Variants in ATP6V1A observed in about 807,000 individuals in gnomAD.
The protein encoded by ATP6V1A is ATPase H+ transporting V1 subunit A, also known as V-type proton ATPase catalytic subunit A.
A neutral mutation model predicts 70.1 loss-of-function variants in ATP6V1A; 18 were observed. That is an observed-to-expected ratio of 0.26 (90% CI 0.18 to 0.38). The LOEUF (loss-of-function observed/expected upper bound fraction) is 0.38. Ranked by LOEUF, ATP6V1A falls within the 10% of genes least tolerant of loss-of-function variation. The pLI is 1.00. For missense variants in ATP6V1A, 424 were observed against 772.4 expected (o/e 0.55, Z 5.35); for synonymous variants, 232 against 253.8 (o/e 0.91, Z 0.82).
chr3:113,750,735 A>T (rs1048968240), intron 1 of ATP6V1A, among the ~76,000 whole-genome samples: 5 of 152,200 alleles, frequency 3.3e-5, no homozygotes, highest in East Asian at 1.9e-4. Context: ...TGTAAAAAAA[A>T]TTTTTAATTA....
intron 11 of ATP6V1A, among the ~76,000 whole-genome samples, chr3:113,796,152 A>G (rs1376451799): frequency 6.6e-6 from 1 of 152,230 alleles, no homozygotes; most frequent in Non-Finnish European, 1.5e-5. Flanking sequence ...TTTATAATAA[A>G]CTTAATAATA....
intron 1 of ATP6V1A, among the ~76,000 whole-genome samples, chr3:113,751,396 GA>G (rs1053125892): frequency 1.9e-4 from 28 of 147,744 alleles, no homozygotes; most frequent in East Asian, 7.9e-4. Flanking sequence ...CTTTATTCCT[GA>G]AAAAAAAAAT....
chr3:113,760,683 C>T (rs886315336), intron 1 of ATP6V1A, among the ~76,000 whole-genome samples: 3 of 151,960 alleles, frequency 2.0e-5, no homozygotes, highest in African/African-American at 7.3e-5. Flanking sequence ...GAGCCGAGAT[C>T]GCACCATTGC....
At chr3:113,770,015 A>G (rs951181305) in intron 1 of ATP6V1A, among the ~76,000 whole-genome samples, 1 of 149,378 alleles carries the variant, frequency 6.7e-6, no homozygotes, top group Non-Finnish European at 1.5e-5. Flanking sequence ...AAAGTATGTA[A>G]TAAGTATTCC....
chr3:113,758,254 C>CT (rs2108010299), intron 1 of ATP6V1A, among the ~76,000 whole-genome samples: 1 of 152,250 alleles, frequency 6.6e-6, no homozygotes, highest in East Asian at 1.9e-4. Flanking sequence ...ATAACTTGTG[C>CT]TTTTTAAAAA....
intron 8 of ATP6V1A, among the ~76,000 whole-genome samples, chr3:113,794,394 T>C (rs1372599242): frequency 6.6e-6 from 1 of 152,226 alleles, no homozygotes; most frequent in Non-Finnish European, 1.5e-5. Flanking sequence ...TGCATTATAT[T>C]AGGGCCAGCT....
At chr3:113,771,070 G>A (rs1174401047) in intron 1 of ATP6V1A, among the ~76,000 whole-genome samples, 2 of 151,300 alleles carry the variant, frequency 1.3e-5, no homozygotes, top group Non-Finnish European at 2.9e-5. Context: ...ACTCCAGCCT[G>A]GGCAACAGAG....
intron 5 of ATP6V1A, among the ~76,000 whole-genome samples, chr3:113,785,427 G>A (rs1310272737): frequency 2.0e-5 from 3 of 151,384 alleles, no homozygotes; most frequent in East Asian, 1.9e-4. Context: ...GTGACAGAGC[G>A]AGACTCCATC....
chr3:113,747,481 T>G (rs1407360868), intron 1 of ATP6V1A: 1 of 152,308 alleles, frequency 6.6e-6, no homozygotes, highest in African/African-American at 2.4e-5. Flanking sequence ...TCACTGTCCT[T>G]ACCCTCAGCT....
At chr3:113,749,784 T>C (rs1411197706) in intron 1 of ATP6V1A, among the ~76,000 whole-genome samples, 1 of 152,186 alleles carries the variant, frequency 6.6e-6, no homozygotes, top group Non-Finnish European at 1.5e-5. Context: ...ACAAAGAAAT[T>C]AAACCACTTT....
At chr3:113,784,909 G>A in intron 5 of ATP6V1A, 76 bp downstream of exon 5, 1 of 1,418,996 alleles carries the variant, frequency 7.0e-7, no homozygotes, top group Non-Finnish European at 9.5e-7. Context: ...AGTGCCCTAA[G>A]TAATTAAAGA....
intron 10 of ATP6V1A, among the ~76,000 whole-genome samples, chr3:113,795,409 G>A (rs935215504): frequency 1.3e-5 from 2 of 151,472 alleles, no homozygotes; most frequent in African/African-American, 2.4e-5. Flanking sequence ...TGGTTCCATA[G>A]GTTTGACTTT....
chr3:113,791,333 CTCT>C (rs909366115), intron 8 of ATP6V1A, among the ~76,000 whole-genome samples: 52 of 149,134 alleles, frequency 3.5e-4, no homozygotes, highest in Admixed American at 2.7e-3. Flanking sequence ...CATCAAGTAT[CTCT>C]TCTTATCTTA....
chr3:113,784,581 A>AT (rs1709017424), intron 4 of ATP6V1A, 115 bp from the exon 5 acceptor site: 1 of 1,432,402 alleles, frequency 7.0e-7, no homozygotes, highest in Middle Eastern at 2.0e-4. Context: ...ACTTCATGGG[A>AT]TTTTAGAACT....
intron 3 of ATP6V1A, among the ~76,000 whole-genome samples, chr3:113,782,578 A>G (rs1577089120): frequency 6.9e-6 from 1 of 145,688 alleles, no homozygotes; most frequent in East Asian, 2.0e-4. Flanking sequence ...ATATACGTAT[A>G]TATATACACA....
chr3:113,754,550 A>G (rs1317352790), intron 1 of ATP6V1A, among the ~76,000 whole-genome samples: 3 of 152,050 alleles, frequency 2.0e-5, no homozygotes, highest in Non-Finnish European at 4.4e-5. Context: ...AAGAAAAAAA[A>G]AAAGAAAAGA....
At chr3:113,772,909 A>G (rs1415437492) in intron 1 of ATP6V1A, among the ~76,000 whole-genome samples, 1 of 120,962 alleles carries the variant, frequency 8.3e-6, no homozygotes, top group African/African-American at 3.2e-5. Flanking sequence ...AATCATCATC[A>G]TTTTTTTCTC....
At chr3:113,807,174 C>CT (rs1314389318) in intron 14 of ATP6V1A, among the ~76,000 whole-genome samples, 11 of 131,110 alleles carry the variant, frequency 8.4e-5, no homozygotes, top group African/African-American at 3.2e-4. Flanking sequence ...AATTCTTTTT[C>CT]TTTTTTTTTC....
intron 3 of ATP6V1A, among the ~76,000 whole-genome samples, chr3:113,783,149 A>G (rs1708998057): frequency 6.6e-6 from 1 of 152,160 alleles, no homozygotes; most frequent in Admixed American, 6.6e-5. Flanking sequence ...TTTTACAGCC[A>G]TATAACAATT....
Sources: gnomAD v4.1 joint callset for allele counts (sites outside exome capture counted in the v4.1 genomes callset) on GRCh38, gnomAD v4.1.1 for gene constraint, MANE v1.5 for transcripts, NCBI Gene and HGNC (gene_info 2026-07-23, HGNC 2026-07-21) for gene names.